ANK2: variants seen among roughly 807,000 people sequenced by gnomAD.
ANK2 encodes the protein ankyrin 2.
Under a neutral mutation model 360.5 loss-of-function variants are expected in ANK2, and 83 were observed. The ratio of observed to expected loss-of-function variants is 0.23; its 90% CI spans 0.19 to 0.28. ANK2 has a LOEUF of 0.28. Ranked by LOEUF, ANK2 falls within the 10% of genes least tolerant of loss-of-function variation. ANK2 has a pLI of 1.00. For missense variants in ANK2, 4,201 were observed against 4,795.7 expected (o/e 0.88, Z 3.66); for synonymous variants, 1,740 against 1,759.5 (o/e 0.99, Z 0.28).
intron 22 of ANK2, among the ~76,000 whole-genome samples, 190 bp downstream of exon 22, chr4:113,293,728 C>A (rs1021570437): frequency 6.6e-6 from 1 of 152,188 alleles, no homozygotes; most frequent in South Asian, 2.1e-4. Context: ...TACAGGGCTT[C>A]GGCTTCCTTT....
chr4:112,762,683 TA>T, the ANK2 span, among the ~76,000 whole-genome samples: 8 of 152,276 alleles, frequency 5.3e-5, no homozygotes, highest in African/African-American at 1.4e-4. Context: ...CTAATTTTTG[TA>T]TTTTTGGTAG....
intron 14 of ANK2, among the ~76,000 whole-genome samples, chr4:113,266,604 A>G (rs1165433104): frequency 6.6e-6 from 1 of 152,152 alleles, no homozygotes; most frequent in Non-Finnish European, 1.5e-5. Flanking sequence ...TCTGCCAGGC[A>G]TGGTGGCTCA....
Position 113,018,747 on chromosome 4 carries a change from C to A in ANK2, c.21+114233C>A, listed in dbSNP as rs79968215. 7.7e-3 allele frequency among the ~76,000 whole-genome samples: 1,177 copies of A among 152,338 alleles called. 17 individuals are homozygous for A. The highest frequency in any genetic ancestry group is 0.027 in the African/African-American group (1,126 of 41,586). On this transcript the variant is annotated intron_variant, in intron 2 of 30. Transcript: ENST00000503271. Reference sequence around the variant, plus strand: ...TTCAGCCAAGGGATGTAACAACATCCTTCAGATCTTCTTGAAGGGCTAATT... The same window carrying A: ...TTCAGCCAAGGGATGTAACAACATCATTCAGATCTTCTTGAAGGGCTAATT...
chr4:112,742,542 G>A, the ANK2 span, among the ~76,000 whole-genome samples: 1 of 152,042 alleles, frequency 6.6e-6, no homozygotes, highest in African/African-American at 2.4e-5. Context: ...TTATATTTTA[G>A]ACAATGGTTA....
chr4:112,830,585 A>G (rs996002715), intron 1 of ANK2, among the ~76,000 whole-genome samples: 3 of 151,802 alleles, frequency 2.0e-5, no homozygotes, highest in Admixed American at 2.0e-4. Flanking sequence ...TAATCTATAC[A>G]CCAAACCCCT....
intron 1 of ANK2, among the ~76,000 whole-genome samples, chr4:113,095,704 T>TA (rs2090736092): frequency 6.6e-6 from 1 of 152,226 alleles, no homozygotes; most frequent in Non-Finnish European, 1.5e-5. Context: ...AATTCTTTTA[T>TA]AAAAATAGAA....
intron 1 of ANK2, among the ~76,000 whole-genome samples, chr4:113,129,134 G>A (rs1235146468): frequency 1.3e-5 from 2 of 151,998 alleles, no homozygotes; most frequent in Non-Finnish European, 2.9e-5. Context: ...GAAATAGCCC[G>A]GGGTCTTTAC....
At chr4:112,777,380 A>G in the ANK2 span, among the ~76,000 whole-genome samples, 4 of 151,892 alleles carry the variant, frequency 2.6e-5, no homozygotes, top group African/African-American at 7.3e-5. Context: ...CTGGGACTAC[A>G]GACACCTGCC....
intron 1 of ANK2, among the ~76,000 whole-genome samples, chr4:113,157,963 T>C (rs2097364627): frequency 6.6e-6 from 1 of 152,208 alleles, no homozygotes; most frequent in African/African-American, 2.4e-5. Context: ...ATTAATATTG[T>C]GGTAAAAGGT....
intron 1 of ANK2, among the ~76,000 whole-genome samples, chr4:112,901,177 A>AT (rs1472651074): frequency 2.0e-5 from 3 of 152,064 alleles, no homozygotes; most frequent in Non-Finnish European, 4.4e-5. Context: ...GTAGGGAGTC[A>AT]TTTTTTTGGG....
chr4:112,992,078 A>G (rs2047016340), intron 2 of ANK2, among the ~76,000 whole-genome samples: 1 of 151,126 alleles, frequency 6.6e-6, no homozygotes, highest in Non-Finnish European at 1.5e-5. Context: ...TAAAATCCAT[A>G]TTTTTATTAT....
chr4:113,323,198 A>C (rs1178946016), intron 26 of ANK2, among the ~76,000 whole-genome samples: 1 of 152,138 alleles, frequency 6.6e-6, no homozygotes, highest in East Asian at 1.9e-4. Context: ...AAGTATTGAC[A>C]AAAGCACCAA....
intron 22 of ANK2, among the ~76,000 whole-genome samples, chr4:113,299,275 T>C (rs2073647564): frequency 6.6e-6 from 1 of 152,176 alleles, no homozygotes; most frequent in Non-Finnish European, 1.5e-5. Flanking sequence ...CAGTAATTAT[T>C]TTCAAACAGA....
chr4:112,965,981 T>G (rs1582115083), intron 2 of ANK2, among the ~76,000 whole-genome samples: 1 of 151,818 alleles, frequency 6.6e-6, no homozygotes, highest in South Asian at 2.1e-4. Flanking sequence ...TTGCAAGACA[T>G]AAAAGTATTT....
intron 27 of ANK2, 25 bp downstream of exon 27, chr4:113,330,495 A>C: frequency 6.2e-7 from 1 of 1,609,866 alleles, no homozygotes; most frequent in Non-Finnish European, 8.5e-7. Flanking sequence ...TAAACCTCCC[A>C]CTTAGTCATC....
At chr4:113,335,698 C>A in intron 29 of ANK2, 148 bp from the exon 30 acceptor site, 3 of 835,726 alleles carry the variant, frequency 3.6e-6, no homozygotes, top group Non-Finnish European at 4.0e-6. Flanking sequence ...TTAGGATAGC[C>A]TTGCTTTTTA....
At chr4:112,843,807 A>G (rs1482992121) in intron 1 of ANK2, among the ~76,000 whole-genome samples, 1 of 152,196 alleles carries the variant, frequency 6.6e-6, no homozygotes, top group Non-Finnish European at 1.5e-5. Context: ...TACCCTGAAA[A>G]AATAAATACA....
At chr4:113,068,947 C>T (rs1466019097) in intron 1 of ANK2, among the ~76,000 whole-genome samples, 1 of 152,022 alleles carries the variant, frequency 6.6e-6, no homozygotes, top group African/African-American at 2.4e-5. Context: ...CCTATAGTCC[C>T]AGCTACTTGG....
intron 2 of ANK2, among the ~76,000 whole-genome samples, chr4:112,920,736 T>C (rs1234244741): frequency 6.6e-6 from 1 of 152,210 alleles, no homozygotes; most frequent in Non-Finnish European, 1.5e-5. Flanking sequence ...ATTTTCATAC[T>C]ACCATCAAGG....
Sources: allele counts gnomAD v4.1 joint callset (sites outside exome capture counted in the v4.1 genomes callset), GRCh38; gene constraint gnomAD v4.1.1; transcripts MANE v1.5; gene names NCBI Gene and HGNC (gene_info 2026-07-23, HGNC 2026-07-21).